DAB1: variants seen among roughly 807,000 people sequenced by gnomAD.
DAB1 encodes DAB adaptor protein 1.
A neutral mutation model predicts 64.6 loss-of-function variants in DAB1; 15 were observed. That is an observed-to-expected ratio of 0.23 (90% CI 0.16 to 0.36). The LOEUF is 0.36. Among genes scored for constraint, DAB1 ranks in the 10% least tolerant of loss-of-function variants. The pLI is 1.00. For synonymous variants in DAB1, 235 were observed against 251.9 expected (o/e 0.93, Z 0.64); for missense variants, 596 against 706.7 (o/e 0.84, Z 1.78).
chr1:57,686,609 C>T lies in DAB1; in HGVS notation n.552-36944G>A, dbSNP rs138069371. ...TCAGAGATGCAATGAAAAAAGAAAA[C>T]TTCAGACCATATATCTCTGAGGAAC... On this transcript the variant is annotated intron_variant and non_coding_transcript_variant, in intron 6 of 20. Transcript: ENST00000485760. Among the ~76,000 whole-genome samples the T allele has an allele frequency of 7.7e-3, 1,170 of 152,262 alleles. 14 individuals carry two copies. The highest frequency in any genetic ancestry group is 0.027 in the African/African-American group (1,125 of 41,560).
Position 58,489,032 on chromosome 1 carries a change from C to T in DAB1, n.257+17028G>A, listed in dbSNP as rs186193137. Among the ~76,000 whole-genome samples the T allele has an allele frequency of 3.7e-3, 567 of 152,308 alleles. 2 individuals carry two copies. The highest frequency in any genetic ancestry group is 9.6e-3 in the African/African-American group (400 of 41,578). On this transcript the variant is annotated intron_variant and non_coding_transcript_variant, in intron 3 of 20. Coordinates refer to the DAB1 transcript ENST00000485760. ...CAGCGTCAGCGACGCAGAAGACGAA[C>T]GATTTCTCCATTTCCAACTGAGGTA... is the stretch of plus-strand genomic sequence containing the variant.
At chr1:57,820,344 C>T (rs12072058) in intron 6 of DAB1, among the ~76,000 whole-genome samples, 2,738 of 152,244 alleles carry the variant, frequency 0.018, 96 homozygotes, top group African/African-American at 0.064. Context: ...ATAATACACA[C>T]TGATTAAAAC....
intron 3 of DAB1, among the ~76,000 whole-genome samples, chr1:58,356,604 C>G (rs1249174681): frequency 2.0e-5 from 3 of 152,072 alleles, no homozygotes; most frequent in Non-Finnish European, 4.4e-5. Flanking sequence ...GAGAATAGCT[C>G]ATACAGAGGC....
chr1:57,910,058 T>G (rs1644617767), intron 5 of DAB1, among the ~76,000 whole-genome samples: 1 of 152,218 alleles, frequency 6.6e-6, no homozygotes, highest in South Asian at 2.1e-4. Flanking sequence ...ATTAATTAAC[T>G]GTTTAACACA....
chr1:57,430,202 G>A (rs1427874283), intron 7 of DAB1, among the ~76,000 whole-genome samples: 3 of 151,870 alleles, frequency 2.0e-5, no homozygotes, highest in Non-Finnish European at 2.9e-5. Flanking sequence ...CTTTCACATC[G>A]ATAGTTAAAT....
At chr1:58,061,024 A>C (rs528881038) in intron 5 of DAB1, among the ~76,000 whole-genome samples, 250 of 152,314 alleles carry the variant, frequency 1.6e-3, no homozygotes, top group Middle Eastern at 3.4e-3. Flanking sequence ...CAGGGCCTCC[A>C]TCCCTCCCTT....
At chr1:58,542,645 G>A (rs1646640020) in intron 1 of DAB1, 1 of 152,148 alleles carries the variant, frequency 6.6e-6, no homozygotes. Flanking sequence ...TCTTCTTCTA[G>A]AAGTCAAACT....
At chr1:57,016,578 G>A (rs1436745434) in intron 11 of DAB1, among the ~76,000 whole-genome samples, 1 of 151,168 alleles carries the variant, frequency 6.6e-6, no homozygotes, top group Non-Finnish European at 1.5e-5. Flanking sequence ...GTAATAGAGT[G>A]AGACACTTGT....
chr1:58,193,867 G>T lies in DAB1; in HGVS notation n.310-43279C>A, dbSNP rs1274526315. Among the ~76,000 whole-genome samples the T allele has an allele frequency of 3.3e-5, 5 of 150,960 alleles. No individual in the cohort carries two copies. In the East Asian group the frequency reaches 9.7e-4, roughly 29 times the overall value. On this transcript the variant is annotated intron_variant and non_coding_transcript_variant, in intron 4 of 20. Transcript: ENST00000485760. ...GCAAAACTCTGTCTAAAAAAAAAAA[G>T]AAAAGAAAAACAAAGAAAAACAGAG... is the stretch of plus-strand genomic sequence containing the variant.
At chr1:57,604,930 T>G (rs1490677018) in intron 7 of DAB1, among the ~76,000 whole-genome samples, 1 of 152,174 alleles carries the variant, frequency 6.6e-6, no homozygotes, top group Non-Finnish European at 1.5e-5. Flanking sequence ...TCCTATCTCT[T>G]GTATCTTGGT....
At chr1:57,712,270 C>G (rs866823324) in intron 6 of DAB1, among the ~76,000 whole-genome samples, 9 of 152,114 alleles carry the variant, frequency 5.9e-5, no homozygotes, top group Non-Finnish European at 7.4e-5. Context: ...GAATACCCAC[C>G]AAAGTGAGGC....
intron 1 of DAB1, among the ~76,000 whole-genome samples, chr1:57,325,116 T>TG (rs1676047659): frequency 6.6e-6 from 1 of 152,228 alleles, no homozygotes. Context: ...ATGAAGCCAC[T>TG]GGGTAGAGAC....
chr1:58,541,629 A>ACC (rs1557461108), intron 1 of DAB1: 1 of 146,510 alleles, frequency 6.8e-6, no homozygotes, highest in Non-Finnish European at 1.5e-5. Flanking sequence ...AAAAAAAAAA[A>ACC]AAAAAAAAAA....
At position 57,262,477 on chromosome 1, in the gene DAB1, C is replaced by A. The variant is rs371789550; in HGVS notation, c.67+28487G>T. ...TCCCCCAGAGCCACCCATGAAGATA[C>A]AGACAGAGCACTGAAACCCACAGTT... On this transcript the variant is annotated intron_variant, in intron 2 of 14. Transcript: ENST00000371236. Among the ~76,000 whole-genome samples, 91 of 152,316 alleles carry A rather than the reference C, an allele frequency of 6.0e-4. 1 individual carries two copies. In the South Asian group the frequency reaches 0.016, roughly 27 times the overall value.
At chr1:57,444,453 G>A (rs1012884776) in intron 7 of DAB1, among the ~76,000 whole-genome samples, 1 of 152,110 alleles carries the variant, frequency 6.6e-6, no homozygotes, top group Non-Finnish European at 1.5e-5. Context: ...TTATTTTTGT[G>A]TTTGTTTGGT....
At chr1:57,092,573 C>T (rs544736347) in intron 4 of DAB1, among the ~76,000 whole-genome samples, 180 of 151,326 alleles carry the variant, frequency 1.2e-3, no homozygotes, top group Middle Eastern at 0.01. Flanking sequence ...CTGAGGCCTC[C>T]CCAATCATGT....
intron 1 of DAB1, among the ~76,000 whole-genome samples, chr1:57,860,285 G>C (rs1037459411): frequency 6.6e-6 from 1 of 152,204 alleles, no homozygotes; most frequent in Non-Finnish European, 1.5e-5. Flanking sequence ...CTCATATGAA[G>C]TAAGTGCTAT....
chr1:57,663,095 AG>A (rs1485865008), intron 6 of DAB1, among the ~76,000 whole-genome samples: 1 of 152,218 alleles, frequency 6.6e-6, no homozygotes. Flanking sequence ...CAGGCTGTAC[AG>A]GAAGCATGGT....
At chr1:58,415,438 C>T (rs949770661) in intron 3 of DAB1, 2 of 244,104 alleles carry the variant, frequency 8.2e-6, no homozygotes, top group African/African-American at 2.3e-5. Context: ...GTAGGTTCCA[C>T]TGGGCTCTTT....
Sources: gnomAD v4.1 joint callset for allele counts (sites outside exome capture counted in the v4.1 genomes callset) on GRCh38, gnomAD v4.1.1 for gene constraint, MANE v1.5 for transcripts, NCBI Gene and HGNC (gene_info 2026-07-23, HGNC 2026-07-21) for gene names.